The following OPALIN variants were observed in gnomAD, a reference collection of about 807,000 sequenced individuals.
OPALIN encodes the protein oligodendrocytic myelin paranodal and inner loop protein.
A neutral mutation model predicts 17.8 loss-of-function variants in OPALIN; 15 were observed. The observed-to-expected ratio is 0.84, with a 90% CI of 0.56 to 1.29. The LOEUF (loss-of-function observed/expected upper bound fraction) is 1.29. Ranked by LOEUF, OPALIN falls within the 50% of genes most tolerant of loss-of-function variation. The probability of loss-of-function intolerance (pLI) is 0.00; values close to 1 mark genes in which losing one functional copy is unlikely to be tolerated. For synonymous variants in OPALIN, 62 were observed against 63.8 expected, an observed-to-expected ratio of 0.97 and a Z score of 0.14; for missense variants, 170 against 176.0, an observed-to-expected ratio of 0.97 and a Z score of 0.19.
intron 2 of OPALIN, chr10:96,353,470 C>T: frequency 6.3e-7 from 1 of 1,595,752 alleles, no homozygotes; most frequent in Non-Finnish European, 8.6e-7. Flanking sequence ...CAGAGAGCTG[C>T]CCAGGACTTT....
intron 1 of OPALIN, among the ~76,000 whole-genome samples, chr10:96,357,402 G>A (rs1245841625): frequency 6.6e-6 from 1 of 152,174 alleles, no homozygotes; most frequent in East Asian, 1.9e-4. Flanking sequence ...CACAAATTAG[G>A]GTGGAGAAGA....
At chr10:96,358,203 A>G (rs2134039559) in intron 1 of OPALIN, among the ~76,000 whole-genome samples, 1 of 150,568 alleles carries the variant, frequency 6.6e-6, no homozygotes, top group East Asian at 1.9e-4. Context: ...AAAAAAAAAA[A>G]AAAAAAAAAA....
chr10:96,345,998 T>C lies in OPALIN; in HGVS notation c.369A>G (p.Ile123Met). ...EPVHDRYRPT[I>M]EMERRRGLWW... ...ACAATCCCCTCCTTCTTTCCATTTC[T>C]ATAGTAGGACGGTAACGGTCATGCA... The change falls in exon 6 of 6, where the codon ATA (isoleucine) becomes ATG (methionine). Residue 123 changes from isoleucine (I) to methionine (M), a missense_variant. Transcript: ENST00000371172. The C allele has an allele frequency of 6.2e-7, 1 of 1,614,186 alleles. No individual in the cohort carries two copies. Among genetic ancestry groups the C allele is most frequent in the East Asian group, 2.2e-5 (1 of 44,890 alleles).
Position 96,348,294 on chromosome 10 carries a change from A to G in OPALIN, c.244T>C (p.Ser82Pro), listed in dbSNP as rs1845424312. The change falls in exon 5 of 6, where the codon TCT becomes CCT. Residue 82 changes from serine to proline, a missense_variant. By Grantham distance (74) the Ser-to-Pro change is moderately conservative. Coordinates refer to ENST00000371172, the MANE Select transcript of OPALIN (RefSeq NM_033207.5). ...ISEIDDNPKI[S>P]ENPRRSPTHE... Reference sequence around the variant, plus strand: ...GTATAACCAAGAGTTCTTACCTCAGATATCTTGGGATTGTCATCAATTTCT... The same window carrying G: ...GTATAACCAAGAGTTCTTACCTCAGGTATCTTGGGATTGTCATCAATTTCT... 6.5e-7 allele frequency: 1 copy of G among 1,528,796 alleles called. No individual in the cohort carries two copies. The highest frequency in any genetic ancestry group is 9.0e-7 in the Non-Finnish European group (1 of 1,105,806). 94.7% of individuals were successfully genotyped at this position (1,528,796 alleles called of 1,614,324 possible).
intron 2 of OPALIN, among the ~76,000 whole-genome samples, chr10:96,351,794 G>A (rs1372375279): frequency 2.0e-5 from 3 of 152,166 alleles, no homozygotes; most frequent in African/African-American, 7.2e-5. Flanking sequence ...GCTCTTTAAG[G>A]AAGCCTTGCT....
At chr10:96,358,757 A>C in intron 1 of OPALIN, 137 bp downstream of exon 1, 1 of 936,866 alleles carries the variant, frequency 1.1e-6, no homozygotes, top group Non-Finnish European at 1.7e-6. Flanking sequence ...AAGTTTAAAA[A>C]ATTATTGGTA....
At chr10:96,353,453 C>T in intron 2 of OPALIN, 1 of 1,611,940 alleles carries the variant, frequency 6.2e-7, no homozygotes, top group Non-Finnish European at 8.5e-7. Flanking sequence ...CTACCATCCG[C>T]ATTGTCCAGA....
Position 96,345,796 on chromosome 10 carries a change from C to T in OPALIN, c.*145G>A. 7 of 734,418 alleles carry T rather than the reference C, an allele frequency of 9.5e-6. No individual in the cohort carries two copies. Among genetic ancestry groups the T allele is most frequent in the South Asian group, 5.7e-5 (3 of 52,928 alleles). The allele number at this position is 734,418 out of a possible 1,614,324, so 45.5% of individuals were successfully genotyped here. On this transcript the variant is annotated 3_prime_UTR_variant, in exon 6 of 6. Coordinates refer to ENST00000371172, the MANE Select transcript of OPALIN (RefSeq NM_033207.5). ...ATGTTGGGGATGTCCCCTAAAGAGA[C>T]AAATCAGCCCCAAAGTGTTCCAGAG...
chr10:96,348,504 C>A (rs567857685), intron 4 of OPALIN, among the ~76,000 whole-genome samples, 159 bp from the exon 5 acceptor site: 1 of 152,248 alleles, frequency 6.6e-6, no homozygotes, highest in African/African-American at 2.4e-5. Flanking sequence ...CATCACCCCT[C>A]AAACCAAACC....
intron 1 of OPALIN, among the ~76,000 whole-genome samples, 156 bp downstream of exon 1, chr10:96,358,738 T>C (rs537798500): frequency 2.0e-5 from 3 of 152,218 alleles, no homozygotes; most frequent in Non-Finnish European, 4.4e-5. Flanking sequence ...TCAGCAAATA[T>C]TAGGTGAGAA....
intron 2 of OPALIN, chr10:96,353,565 G>T: frequency 1.2e-6 from 1 of 807,766 alleles, no homozygotes; most frequent in South Asian, 1.4e-5. Flanking sequence ...ACAGTTCTCA[G>T]AGAAATGAGC....
intron 4 of OPALIN, 39 bp from the exon 5 acceptor site, chr10:96,348,384 A>C (rs778378743): frequency 2.9e-6 from 3 of 1,050,646 alleles, no homozygotes; most frequent in East Asian, 2.4e-5. Flanking sequence ...GAAAGAAAGA[A>C]GAAGAAGTGA....
At position 96,345,875 on chromosome 10, in the gene OPALIN, A is replaced by C. The variant is rs1845290739; in HGVS notation, c.*66T>G. ...AGCAGCTTGGCATCTTTCCTCTCCA[A>C]GTACAAAACCCTGGGTTTTCAACCC... On this transcript the variant is annotated 3_prime_UTR_variant, in exon 6 of 6. Transcript: ENST00000371172. 6.7e-7 allele frequency: 1 copy of C among 1,502,508 alleles called. No homozygotes were observed. Among genetic ancestry groups the C allele is most frequent in the East Asian group, 2.3e-5 (1 of 44,058 alleles). The allele number at this position is 1,502,508 out of a possible 1,614,324, so 93.1% of individuals were successfully genotyped here.
At chr10:96,349,219 G>C (rs1357434574) in intron 4 of OPALIN, among the ~76,000 whole-genome samples, 1 of 152,166 alleles carries the variant, frequency 6.6e-6, no homozygotes, top group Non-Finnish European at 1.5e-5. Context: ...TCTAAGCATA[G>C]TCCCCAGAAC....
At chr10:96,356,145 T>A (rs956299260) in intron 1 of OPALIN, among the ~76,000 whole-genome samples, 2 of 152,212 alleles carry the variant, frequency 1.3e-5, no homozygotes, top group Non-Finnish European at 2.9e-5. Context: ...TCCCACTTTC[T>A]GGACTCTCAG....
chr10:96,348,467 C>T (rs1845433594), intron 4 of OPALIN, 122 bp from the exon 5 acceptor site: 1 of 524,796 alleles, frequency 1.9e-6, no homozygotes, highest in East Asian at 3.2e-5. Context: ...TTAAAACAAA[C>T]AAAACAAGCA....
At position 96,358,955 on chromosome 10, in the gene OPALIN, C is replaced by T; in HGVS notation, c.-59G>A. 6.3e-7 allele frequency: 1 copy of T among 1,589,568 alleles called. No homozygotes were observed. The highest frequency in any genetic ancestry group is 8.6e-7 in the Non-Finnish European group (1 of 1,157,702). The stretch of plus-strand genomic sequence containing the variant: ...CTGCCTTTGGTAAGCTCCTTTCTCA[C>T]TGGCTTTATTGGCTTGTGTCTTTCA... On this transcript the variant is annotated 5_prime_UTR_variant, in exon 1 of 6. In the 5' UTR this introduces an upstream ATG that the reference lacks. Coordinates refer to ENST00000371172, the MANE Select transcript of OPALIN (RefSeq NM_033207.5).
chr10:96,357,200 G>A, intron 1 of OPALIN: 5 of 980,058 alleles, frequency 5.1e-6, no homozygotes, highest in Non-Finnish European at 6.1e-6. Context: ...AGTGGGCACT[G>A]AGGACTGATG....
chr10:96,346,035 C>T lies in OPALIN; in HGVS notation c.332G>A (p.Ser111Asn). The part of the protein sequence containing the change: ...AHIYVKTVAG[S>N]EEPVHDRYRP... ...GTAACGGTCATGCACAGGTTCCTCG[C>T]TTCCTGCTACAGTCTTCACATATAT... Residue 111 changes from serine (S) to asparagine (N), a missense_variant, in exon 6 of 6, where the codon AGC (serine) becomes AAC (asparagine). Physicochemically the swap from Ser to Asn is conservative, Grantham distance 46 (BLOSUM62 1). Transcript: ENST00000371172. 1 of 1,614,192 alleles carries T rather than the reference C, an allele frequency of 6.2e-7. No individual in the cohort carries two copies. The highest frequency in any genetic ancestry group is 1.1e-5 in the South Asian group (1 of 91,088).
Sources: gnomAD v4.1 joint callset for allele counts (sites outside exome capture counted in the v4.1 genomes callset) on GRCh38, gnomAD v4.1.1 for gene constraint, MANE v1.5 for transcripts, NCBI Gene and HGNC (gene_info 2026-07-23, HGNC 2026-07-21) for gene names.